WNT3A: variants seen among roughly 807,000 people sequenced by gnomAD.
WNT3A encodes the protein Wnt family member 3A, also known as protein Wnt-3a.
In WNT3A, 17 loss-of-function variants were observed where a neutral mutation model predicts 37.0. That is an observed-to-expected ratio of 0.46 (90% CI 0.31 to 0.69). The LOEUF (loss-of-function observed/expected upper bound fraction) is 0.69. Ranked by LOEUF, WNT3A falls within the 30% of genes least tolerant of loss-of-function variation. The probability of loss-of-function intolerance (pLI) is 0.05; values close to 1 mark genes in which losing one functional copy is unlikely to be tolerated. For synonymous variants in WNT3A, 187 were observed against 211.0 expected (o/e 0.89, Z 0.99); for missense variants, 411 against 510.2 (o/e 0.81, Z 1.87).
At position 228,060,408 on chromosome 1, in the gene WNT3A, C is replaced by T; in HGVS notation, c.*943C>T. On this transcript the variant is annotated 3_prime_UTR_variant, in exon 4 of 4. Coordinates refer to ENST00000284523, the MANE Select transcript of WNT3A (RefSeq NM_033131.4). ...GCGCCGACGCCTGTGCCACCCCTTCCTCAGCCTGGGGTTTGACCACCCACC... is the reference window on the plus strand; with the variant it reads ...GCGCCGACGCCTGTGCCACCCCTTCTTCAGCCTGGGGTTTGACCACCCACC... The T allele has an allele frequency of 1.1e-6, 1 of 908,706 alleles. No individual in the cohort carries two copies. The highest frequency in any genetic ancestry group is 1.4e-5 in the South Asian group (1 of 69,178). The allele number at this position is 908,706 out of a possible 1,614,324, so 56.3% of individuals were successfully genotyped here. A position where few individuals can be genotyped will look rare whatever the true frequency, so the allele number is the denominator to read the frequency against.
chr1:228,036,074 G>A (rs1464721080), intron 2 of WNT3A, among the ~76,000 whole-genome samples: 1 of 152,202 alleles, frequency 6.6e-6, no homozygotes, highest in African/African-American at 2.4e-5. Flanking sequence ...AGGCCATTGT[G>A]GAGGCCCTGG....
intron 2 of WNT3A, among the ~76,000 whole-genome samples, chr1:228,046,430 ATATG>A (rs2031407674): frequency 6.8e-6 from 1 of 146,258 alleles, no homozygotes; most frequent in African/African-American, 2.6e-5. Flanking sequence ...GCATGCATGC[ATATG>A]TATGTGTGTG....
chr1:228,059,763 G>A lies in WNT3A; in HGVS notation c.*298G>A. 9.0e-6 allele frequency: 11 copies of A among 1,224,950 alleles called. No homozygotes were observed. Among genetic ancestry groups the A allele is most frequent in the East Asian group, 3.7e-5 (1 of 26,850 alleles). The allele number at this position is 1,224,950 out of a possible 1,614,324, so 75.9% of individuals were successfully genotyped here. On this transcript the variant is annotated 3_prime_UTR_variant, in exon 4 of 4. Coordinates refer to ENST00000284523, the MANE Select transcript of WNT3A (RefSeq NM_033131.4). ...ACGGGGCTCCCCTGGACAGAGGCGG[G>A]GCTACAGATTGGGCGGGGCTTCTCT...
At chr1:228,058,019 C>A (rs1212169661) in intron 3 of WNT3A, among the ~76,000 whole-genome samples, 1 of 152,146 alleles carries the variant, frequency 6.6e-6, no homozygotes, top group Admixed American at 6.5e-5. Context: ...TTTTAATAGA[C>A]ACGTGGCTTT....
Position 228,059,810 on chromosome 1 carries a change from T to G in WNT3A, c.*345T>G. ...CTCTTGGGTGGGACAGGGCTTCTCC[T>G]GCGGGGGCGAGGCCCCTCCCAGTAA... On this transcript the variant is annotated 3_prime_UTR_variant, in exon 4 of 4. Transcript: ENST00000284523. The G allele has an allele frequency of 9.3e-7, 1 of 1,075,680 alleles. No homozygotes were observed. Among genetic ancestry groups the G allele is most frequent in the Non-Finnish European group, 1.1e-6 (1 of 888,992 alleles). 66.6% of individuals were successfully genotyped at this position (1,075,680 alleles called of 1,614,324 possible).
chr1:228,022,738 T>C lies in WNT3A; in HGVS notation c.143T>C (p.Leu48Pro). 6.2e-7 allele frequency: 1 copy of C among 1,614,164 alleles called. No homozygotes were observed. Among genetic ancestry groups the C allele is most frequent in the Admixed American group, 1.7e-5 (1 of 60,030 alleles). Residue 48 changes from leucine to proline, a missense_variant, in exon 2 of 4, where the codon CTG (leucine) becomes CCG (proline). Transcript: ENST00000284523. ...ATCCTGTGTGCCAGCATCCCGGGCCTGGTCCCCAAGCAGCTCCGCTTCTGC... is the reference window on the plus strand; with the variant it reads ...ATCCTGTGTGCCAGCATCCCGGGCCCGGTCCCCAAGCAGCTCCGCTTCTGC... ...QPILCASIPG[L>P]VPKQLRFCRN... is the part of the protein sequence containing the mutation.
In WNT3A at chr1:228,050,977, T is replaced by C. The variant is rs1477516660; in HGVS notation, c.579+56T>C. Reference sequence around the variant, plus strand: ...AAAAAGGAGCCTCCTCAGCAGGGTGTGTGCCCTGGTTCCTTGGGGCATATG... The same window carrying C: ...AAAAAGGAGCCTCCTCAGCAGGGTGCGTGCCCTGGTTCCTTGGGGCATATG... On this transcript the variant is annotated intron_variant, in intron 3 of 3. Coordinates refer to ENST00000284523, the MANE Select transcript of WNT3A (RefSeq NM_033131.4). The surrounding 1 kb of genome is among the most constrained non-coding windows in gnomAD (Gnocchi z 5.0). 3 of 1,474,372 alleles carry C rather than the reference T, an allele frequency of 2.0e-6. No individual in the cohort carries two copies. Among genetic ancestry groups the C allele is most frequent in the Non-Finnish European group, 1.8e-6 (2 of 1,117,298 alleles). 91.3% of individuals were successfully genotyped at this position (1,474,372 alleles called of 1,614,324 possible). A position where few individuals can be genotyped will look rare whatever the true frequency, so the allele number is the denominator to read the frequency against.
intron 1 of WNT3A, among the ~76,000 whole-genome samples, chr1:228,022,311 A>G (rs2030726259): frequency 1.3e-5 from 2 of 152,030 alleles, no homozygotes; most frequent in African/African-American, 4.8e-5. Flanking sequence ...TAAAAATAAA[A>G]ATTAGCTGGC....
chr1:228,028,630 G>A (rs768717791), intron 2 of WNT3A, among the ~76,000 whole-genome samples: 2 of 152,046 alleles, frequency 1.3e-5, no homozygotes, highest in Admixed American at 6.6e-5. Flanking sequence ...GGCTAGTTCC[G>A]TATAAATTTT....
intron 2 of WNT3A, among the ~76,000 whole-genome samples, chr1:228,029,014 T>C (rs994726675): frequency 3.9e-5 from 6 of 152,154 alleles, no homozygotes; most frequent in Admixed American, 6.5e-5. Flanking sequence ...GGAAAAGGTC[T>C]GCTCCGCTCC....
At chr1:228,057,106 A>G (rs781163675) in intron 3 of WNT3A, among the ~76,000 whole-genome samples, 1 of 152,270 alleles carries the variant, frequency 6.6e-6, no homozygotes, top group Non-Finnish European at 1.5e-5. Flanking sequence ...TTGAGGCTGA[A>G]TCAGTTACAG....
At chr1:228,009,918 C>T (rs559966841) in intron 1 of WNT3A, among the ~76,000 whole-genome samples, 260 of 152,234 alleles carry the variant, frequency 1.7e-3, no homozygotes, top group Non-Finnish European at 2.2e-3. Context: ...TGCAGAGAGA[C>T]GGGCCTAGCC....
chr1:228,046,573 G>C (rs2031412595), intron 2 of WNT3A, among the ~76,000 whole-genome samples: 2 of 150,610 alleles, frequency 1.3e-5, no homozygotes, highest in African/African-American at 4.9e-5. Flanking sequence ...CATGTGCATG[G>C]GGTGGGGTGT....
At chr1:228,045,629 G>T (rs987343609) in intron 2 of WNT3A, among the ~76,000 whole-genome samples, 5 of 152,220 alleles carry the variant, frequency 3.3e-5, no homozygotes, top group Non-Finnish European at 7.3e-5. Context: ...TTCAGCAAAG[G>T]CCCCTCCAGG....
chr1:228,035,381 G>A (rs2031112758), intron 2 of WNT3A, among the ~76,000 whole-genome samples: 1 of 152,208 alleles, frequency 6.6e-6, no homozygotes, highest in East Asian at 1.9e-4. Flanking sequence ...AGAGGGGACA[G>A]CCCATGCCAA....
rs528655211 is a variant in WNT3A, at chr1:228,012,528, T to TG, written c.71+5336dup. On this transcript the variant is annotated intron_variant, in intron 1 of 3. Transcript: ENST00000284523. ...GAAGCCACACCTGGAGTAATGGGGG[T>TG]GGGGGGGCTCTCTCAATGTGGACCA... 2.7e-4 allele frequency among the ~76,000 whole-genome samples: 41 copies of TG among 151,544 alleles called. 1 individual carries two copies. The highest frequency in any genetic ancestry group is 8.7e-4 in the African/African-American group (36 of 41,282).
chr1:228,032,199 CCAG>C (rs1239856258), intron 2 of WNT3A, among the ~76,000 whole-genome samples: 1 of 152,214 alleles, frequency 6.6e-6, no homozygotes, highest in Non-Finnish European at 1.5e-5. Context: ...GCATCTGAGC[CCAG>C]CTGGAGGCCA....
intron 2 of WNT3A, among the ~76,000 whole-genome samples, chr1:228,028,910 A>G (rs968319976): frequency 1.3e-5 from 2 of 152,208 alleles, no homozygotes; most frequent in East Asian, 3.9e-4. Context: ...CCACCCTTCA[A>G]TTAGCCACTG....
At chr1:228,056,347 G>A (rs780216722) in intron 3 of WNT3A, among the ~76,000 whole-genome samples, 1 of 152,126 alleles carries the variant, frequency 6.6e-6, no homozygotes. Context: ...ATGAAACTTC[G>A]AAAGATGATC....
Sources: allele counts gnomAD v4.1 joint callset (sites outside exome capture counted in the v4.1 genomes callset), GRCh38; gene constraint gnomAD v4.1.1; non-coding constraint Gnocchi (gnomAD v3.1); transcripts MANE v1.5; gene names NCBI Gene and HGNC (gene_info 2026-07-23, HGNC 2026-07-21).